AGBL4: variants seen among roughly 807,000 people sequenced by gnomAD.
AGBL4 encodes the protein cytosolic carboxypeptidase 6.
Under a neutral mutation model 66.4 loss-of-function variants are expected in AGBL4, and 58 were observed. The observed-to-expected ratio is 0.87, with a 90% confidence interval of 0.71 to 1.09. The LOEUF is 1.09. AGBL4 is among the 50% of genes least tolerant of loss of function. AGBL4 has a pLI of 0.00. For missense variants in AGBL4, 579 were observed against 631.0 expected (o/e 0.92, Z 0.88); for synonymous variants, 234 against 222.9 (o/e 1.05, Z -0.44).
Position 48,645,273 on chromosome 1 carries a change from G to A in AGBL4, c.839+8064C>T, listed in dbSNP as rs188681289. ...GGTAAGGGTCTGTCTGGCCCGTGCT[G>A]TCACTCTGGCTTTATCTGACTGTGT... On this transcript the variant is annotated intron_variant, in intron 8 of 13. Transcript: ENST00000371839. Among the ~76,000 whole-genome samples the A allele has an allele frequency of 1.4e-3, 218 of 152,268 alleles. 1 individual carries two copies. The highest frequency in any genetic ancestry group is 2.1e-3 in the Non-Finnish European group (142 of 68,024).
intron 4 of AGBL4, among the ~76,000 whole-genome samples, chr1:49,074,478 C>G (rs1216910580): frequency 1.3e-5 from 2 of 152,210 alleles, no homozygotes; most frequent in Non-Finnish European, 2.9e-5. Context: ...CTGCATCAAT[C>G]TCGCTGGGAG....
chr1:49,765,927 T>C (rs1571519193), intron 2 of AGBL4, among the ~76,000 whole-genome samples: 3 of 152,188 alleles, frequency 2.0e-5, no homozygotes, highest in East Asian at 3.9e-4. Flanking sequence ...CTTTGAGAAA[T>C]ATGGAATTAT....
intron 3 of AGBL4, among the ~76,000 whole-genome samples, chr1:49,692,928 A>C (rs946877366): frequency 6.6e-6 from 1 of 152,206 alleles, no homozygotes; most frequent in African/African-American, 2.4e-5. Context: ...CCCAGGTAAA[A>C]CAGGATTGAT....
Position 49,625,979 on chromosome 1 carries a change from C to T in AGBL4, c.282+71334G>A, listed in dbSNP as rs371723601. ...CAGGGAATTCAAACATCCTTCTCTA[C>T]TCAATGTGTTCATCTAGAGGATAAC... On this transcript the variant is annotated intron_variant, in intron 3 of 13. Coordinates refer to ENST00000371839, the MANE Select transcript of AGBL4 (RefSeq NM_032785.4). Among the ~76,000 whole-genome samples, 52 of 152,264 alleles carry T rather than the reference C, an allele frequency of 3.4e-4. 1 individual carries two copies. In the South Asian group the frequency reaches 9.5e-3, roughly 28 times the overall value.
chr1:48,745,361 G>C (rs1163817010), intron 6 of AGBL4, among the ~76,000 whole-genome samples: 2 of 152,152 alleles, frequency 1.3e-5, no homozygotes, highest in African/African-American at 2.4e-5. Context: ...GAAGCATCTA[G>C]TTAGAATGGA....
At chr1:49,181,004 T>G (rs1646921627) in intron 4 of AGBL4, among the ~76,000 whole-genome samples, 1 of 152,146 alleles carries the variant, frequency 6.6e-6, no homozygotes, top group Non-Finnish European at 1.5e-5. Context: ...CTCAGCATGG[T>G]CTGCATGATA....
At chr1:49,937,518 C>A (rs557259252) in intron 1 of AGBL4, among the ~76,000 whole-genome samples, 24 of 152,198 alleles carry the variant, frequency 1.6e-4, no homozygotes, top group South Asian at 4.1e-4. Context: ...ACTCTCCACC[C>A]CAAATCAACA....
intron 3 of AGBL4, among the ~76,000 whole-genome samples, chr1:49,434,211 A>G (rs936383896): frequency 2.6e-5 from 4 of 151,936 alleles, no homozygotes; most frequent in Admixed American, 6.6e-5. Flanking sequence ...AAACAGAAAT[A>G]AGAAGATCTG....
chr1:49,539,745 T>G (rs536721654), intron 3 of AGBL4, among the ~76,000 whole-genome samples: 1 of 152,140 alleles, frequency 6.6e-6, no homozygotes, highest in Non-Finnish European at 1.5e-5. Flanking sequence ...CAATATTGAA[T>G]GAGGGCTGTG....
chr1:49,088,907 G>C (rs534781740), intron 4 of AGBL4, among the ~76,000 whole-genome samples: 1 of 151,436 alleles, frequency 6.6e-6, no homozygotes, highest in African/African-American at 2.4e-5. Flanking sequence ...ACACAGTCTC[G>C]AATATCAGCA....
chr1:48,924,173 A>G (rs1654329220), intron 5 of AGBL4, among the ~76,000 whole-genome samples: 1 of 152,050 alleles, frequency 6.6e-6, no homozygotes. Flanking sequence ...GAAGATAGAT[A>G]TATATTTTAA....
chr1:48,876,405 G>C (rs1317349289), intron 5 of AGBL4, among the ~76,000 whole-genome samples: 1 of 152,132 alleles, frequency 6.6e-6, no homozygotes, highest in Non-Finnish European at 1.5e-5. Flanking sequence ...GAAAGACCCA[G>C]GCATCAAGAG....
At chr1:48,977,581 C>A (rs2148960582) in intron 5 of AGBL4, among the ~76,000 whole-genome samples, 1 of 152,208 alleles carries the variant, frequency 6.6e-6, no homozygotes, top group Admixed American at 6.6e-5. Flanking sequence ...ATACCCACAA[C>A]CTTGGGGTCT....
At chr1:49,563,781 G>C (rs1296303492) in intron 3 of AGBL4, among the ~76,000 whole-genome samples, 1 of 151,892 alleles carries the variant, frequency 6.6e-6, no homozygotes, top group Non-Finnish European at 1.5e-5. Context: ...TTTTTTTGTT[G>C]TGTCTTTGCC....
rs1054965424 is a variant in AGBL4, at chr1:48,539,719, A to G, written c.1287T>C (p.Asn429=). The G allele has an allele frequency of 2.6e-6, 4 of 1,542,038 alleles. No individual in the cohort carries two copies. Among genetic ancestry groups the G allele is most frequent in the Non-Finnish European group, 3.5e-6 (4 of 1,140,354 alleles). ...TEEAYMKLGR[N]VARTFLDYYR... is the part of the protein sequence containing the mutation. ...AATAGTCCAAAAAGGTTCTTGCCAC[A>G]TTCCGCCCCAGCTTCATATCTGCAG... The change falls in exon 12 of 14, where the codon AAT becomes AAC. Residue 429 remains asparagine, a synonymous_variant. Coordinates refer to ENST00000371839, the MANE Select transcript of AGBL4 (RefSeq NM_032785.4).
At chr1:49,167,415 T>G (rs1419322490) in intron 4 of AGBL4, among the ~76,000 whole-genome samples, 1 of 152,162 alleles carries the variant, frequency 6.6e-6, no homozygotes, top group Non-Finnish European at 1.5e-5. Context: ...TACCATAATT[T>G]CTTGATTCTA....
At chr1:48,942,226 A>G (rs937504752) in intron 5 of AGBL4, among the ~76,000 whole-genome samples, 3 of 152,072 alleles carry the variant, frequency 2.0e-5, no homozygotes, top group Non-Finnish European at 4.4e-5. Context: ...CTTTGAAAAG[A>G]CAAAGGCCTA....
intron 2 of AGBL4, among the ~76,000 whole-genome samples, chr1:49,741,070 A>G (rs1025943395): frequency 7.8e-6 from 1 of 128,466 alleles, no homozygotes; most frequent in Non-Finnish European, 1.9e-5. Context: ...TGAAGTAGAT[A>G]GAGACATAAA....
chr1:48,591,062 C>T, intron 9 of AGBL4, 77 bp from the exon 10 acceptor site: 1 of 1,252,486 alleles, frequency 8.0e-7, no homozygotes, highest in Non-Finnish European at 1.1e-6. Flanking sequence ...CTACACTACA[C>T]ACACACACCC....
Sources: allele counts gnomAD v4.1 joint callset (sites outside exome capture counted in the v4.1 genomes callset), GRCh38; gene constraint gnomAD v4.1.1; transcripts MANE v1.5; gene names NCBI Gene and HGNC (gene_info 2026-07-23, HGNC 2026-07-21).